SOBP: variants seen among roughly 807,000 people sequenced by gnomAD.
SOBP encodes the protein sine oculis-binding protein homolog.
SOBP carries 4 observed loss-of-function variants against 53.6 expected under a neutral mutation model. The ratio of observed to expected loss-of-function variants is 0.07; its 90% CI spans 0.04 to 0.17. The LOEUF is 0.17. Ranked by LOEUF, SOBP falls within the 10% of genes least tolerant of loss-of-function variation. The pLI is 1.00. For missense variants in SOBP, 1,088 were observed against 1,204.7 expected, an observed-to-expected ratio of 0.90 and a Z score of 1.43; for synonymous variants, 584 against 522.6, an observed-to-expected ratio of 1.12 and a Z score of -1.60.
At chr6:107,592,244 G>A (rs1328949327) in intron 5 of SOBP, among the ~76,000 whole-genome samples, 1 of 152,052 alleles carries the variant, frequency 6.6e-6, no homozygotes, top group South Asian at 2.1e-4. Flanking sequence ...CAGGCCCCTG[G>A]TTCTAAGTGT....
In SOBP at chr6:107,634,238, C is replaced by T; in HGVS notation, c.1394C>T (p.Thr465Ile). 2 of 1,582,280 alleles carry T rather than the reference C, an allele frequency of 1.3e-6. No individual in the cohort carries two copies. Among genetic ancestry groups the T allele is most frequent in the Non-Finnish European group, 8.6e-7 (1 of 1,168,484 alleles). ...MLSPHIHPPS[T>I]PTMPGNPPGL... Reference sequence around the variant, plus strand: ...TCGCCCCACATCCACCCCCCGAGCACCCCCACCATGCCCGGGAACCCCCCA... The same window carrying T: ...TCGCCCCACATCCACCCCCCGAGCATCCCCACCATGCCCGGGAACCCCCCA... Residue 465 changes from threonine (T) to isoleucine (I), a missense_variant, in exon 6 of 7, where the codon ACC becomes ATC. Coordinates refer to ENST00000317357, the MANE Select transcript of SOBP (RefSeq NM_018013.4). This position sits in a 1 kb window ranked among gnomAD's most constrained non-coding sequence, Gnocchi z 4.5.
At chr6:107,546,304 A>AT (rs1157620971) in intron 4 of SOBP, among the ~76,000 whole-genome samples, 1 of 152,162 alleles carries the variant, frequency 6.6e-6, no homozygotes, top group African/African-American at 2.4e-5. Flanking sequence ...TTTTATAAGG[A>AT]TTTTTTGCAA....
At chr6:107,518,807 C>T (rs1422098511) in intron 3 of SOBP, among the ~76,000 whole-genome samples, 1 of 149,244 alleles carries the variant, frequency 6.7e-6, no homozygotes, top group Non-Finnish European at 1.5e-5. Flanking sequence ...AGAATTCCTG[C>T]CTGCATACGA....
At chr6:107,588,467 A>G (rs1785636219) in intron 5 of SOBP, among the ~76,000 whole-genome samples, 1 of 152,196 alleles carries the variant, frequency 6.6e-6, no homozygotes, top group African/African-American at 2.4e-5. Flanking sequence ...TAGGACTCTT[A>G]AACTTCCAGG....
intron 4 of SOBP, among the ~76,000 whole-genome samples, chr6:107,535,937 A>T (rs561149390): frequency 2.0e-5 from 3 of 152,314 alleles, no homozygotes; most frequent in African/African-American, 7.2e-5. Flanking sequence ...CTCTTGTATC[A>T]TTTAACAAAG....
Position 107,611,200 on chromosome 6 carries a change from C to T in SOBP, c.670-22314C>T, listed in dbSNP as rs115272451. On this transcript the variant is annotated intron_variant, in intron 5 of 6. Coordinates refer to ENST00000317357, the MANE Select transcript of SOBP (RefSeq NM_018013.4). ...GAGGCCTGTGCCAATAACTGAGAAC[C>T]GACATGAGGTCTTTGTGGGACTGTT... 3.4e-3 allele frequency among the ~76,000 whole-genome samples: 512 copies of T among 152,322 alleles called. 4 individuals are homozygous for T. The highest frequency in any genetic ancestry group is 0.012 in the African/African-American group (495 of 41,572).
At chr6:107,521,699 A>G (rs942495154) in intron 3 of SOBP, among the ~76,000 whole-genome samples, 1 of 152,196 alleles carries the variant, frequency 6.6e-6, no homozygotes, top group Non-Finnish European at 1.5e-5. Flanking sequence ...ACATATACAC[A>G]TTTGTGTTGA....
chr6:107,542,958 G>A (rs759745578), intron 4 of SOBP, among the ~76,000 whole-genome samples: 2 of 152,038 alleles, frequency 1.3e-5, no homozygotes, highest in African/African-American at 2.4e-5. Context: ...CAGCATCCAC[G>A]GGCCTTCTCA....
intron 4 of SOBP, among the ~76,000 whole-genome samples, chr6:107,586,186 C>A (rs1473206800): frequency 6.6e-6 from 1 of 152,146 alleles, no homozygotes; most frequent in African/African-American, 2.4e-5. Context: ...TAATTATATG[C>A]AAGCCATATG....
chr6:107,604,951 A>C (rs1174937297), intron 5 of SOBP, among the ~76,000 whole-genome samples: 1 of 152,228 alleles, frequency 6.6e-6, no homozygotes, highest in Non-Finnish European at 1.5e-5. Flanking sequence ...ATTTCAGTTC[A>C]TAAAAATTCT....
chr6:107,601,927 A>G (rs919536578), intron 5 of SOBP, among the ~76,000 whole-genome samples: 20 of 152,208 alleles, frequency 1.3e-4, no homozygotes, highest in African/African-American at 1.7e-4. Context: ...CTCTGCCTAC[A>G]TTCTCTTTTC....
At chr6:107,602,569 A>T (rs994891665) in intron 5 of SOBP, among the ~76,000 whole-genome samples, 11 of 53,114 alleles carry the variant, frequency 2.1e-4, no homozygotes, top group Admixed American at 1.4e-3. Flanking sequence ...AAGCCGCGTT[A>T]AAAAAAAAAA....
chr6:107,585,725 G>A (rs1785544505), intron 4 of SOBP, among the ~76,000 whole-genome samples: 1 of 152,248 alleles, frequency 6.6e-6, no homozygotes, highest in South Asian at 2.1e-4. Context: ...CCATGACATT[G>A]CACTTCCAAG....
intron 4 of SOBP, 81 bp from the exon 5 acceptor site, chr6:107,586,999 T>C: frequency 2.9e-6 from 3 of 1,019,930 alleles, no homozygotes; most frequent in Non-Finnish European, 4.7e-6. Context: ...GTTTGTTGAA[T>C]GATCTGAGCT....
intron 4 of SOBP, among the ~76,000 whole-genome samples, chr6:107,547,401 A>G (rs1664363385): frequency 6.6e-6 from 1 of 152,220 alleles, no homozygotes; most frequent in Non-Finnish European, 1.5e-5. Context: ...AGTACGTCAA[A>G]CAATATGCTG....
intron 4 of SOBP, among the ~76,000 whole-genome samples, chr6:107,569,707 T>G (rs911033561): frequency 6.6e-6 from 1 of 152,224 alleles, no homozygotes; most frequent in Non-Finnish European, 1.5e-5. Flanking sequence ...TGCATTCAAC[T>G]GATGCACAAG....
intron 4 of SOBP, among the ~76,000 whole-genome samples, chr6:107,543,004 A>G (rs1208461636): frequency 2.0e-5 from 3 of 152,062 alleles, no homozygotes; most frequent in African/African-American, 7.3e-5. Flanking sequence ...TGGTAAAGAG[A>G]TGGTAATCTT....
At chr6:107,493,800 G>A (rs778488648) in intron 1 of SOBP, among the ~76,000 whole-genome samples, 2 of 152,158 alleles carry the variant, frequency 1.3e-5, no homozygotes, top group Non-Finnish European at 2.9e-5. Flanking sequence ...AAGACAAACT[G>A]GCTGAGGTTT....
intron 5 of SOBP, among the ~76,000 whole-genome samples, chr6:107,623,686 A>G (rs961039940): frequency 1.3e-5 from 2 of 152,250 alleles, no homozygotes; most frequent in Non-Finnish European, 2.9e-5. Flanking sequence ...TAAAATTGGG[A>G]AAGGGTTTCT....
Sources: gnomAD v4.1 joint callset for allele counts (sites outside exome capture counted in the v4.1 genomes callset) on GRCh38, gnomAD v4.1.1 for gene constraint, Gnocchi (gnomAD v3.1) non-coding constraint, MANE v1.5 for transcripts, NCBI Gene and HGNC (gene_info 2026-07-23, HGNC 2026-07-21) for gene names.